MCF2L2: variants seen among roughly 807,000 people sequenced by gnomAD.
MCF2L2 encodes probable guanine nucleotide exchange factor MCF2L2.
Under a neutral mutation model 150.2 loss-of-function variants are expected in MCF2L2, and 102 were observed. That is an observed-to-expected ratio of 0.68 (90% CI 0.58 to 0.80). The LOEUF (loss-of-function observed/expected upper bound fraction) is 0.80, where lower values mean the gene tolerates loss of function less well. Among genes scored for constraint, MCF2L2 ranks in the 30% least tolerant of loss-of-function variants. The probability of loss-of-function intolerance (pLI) is 0.00; values close to 1 mark genes in which losing one functional copy is unlikely to be tolerated. For missense variants in MCF2L2, 1,256 were observed against 1,372.8 expected, an observed-to-expected ratio of 0.91 and a Z score of 1.34; for synonymous variants, 465 against 491.3, an observed-to-expected ratio of 0.95 and a Z score of 0.71.
At chr3:183,332,381 GC>G (rs62738660) in intron 5 of MCF2L2, among the ~76,000 whole-genome samples, 7,193 of 152,198 alleles carry the variant, frequency 0.047, 224 homozygotes, top group Non-Finnish European at 0.071. Flanking sequence ...AAAATTAAAA[GC>G]AGGTCAGGCA....
At chr3:183,332,597 G>C (rs754379498) in intron 5 of MCF2L2, among the ~76,000 whole-genome samples, 4 of 152,110 alleles carry the variant, frequency 2.6e-5, no homozygotes, top group Non-Finnish European at 5.9e-5. Flanking sequence ...AGGGAAATAC[G>C]CGTGACATTT....
rs200353022 is a variant in MCF2L2 at position 183,379,378 on chromosome 3, G to T, written c.194C>A (p.Thr65Lys). The T allele has an allele frequency of 1.9e-6, 3 of 1,610,606 alleles. No homozygotes were observed. Among genetic ancestry groups the T allele is most frequent in the South Asian group, 1.1e-5 (1 of 90,282 alleles). The change falls in exon 3 of 30, where the codon ACG (threonine) becomes AAG (lysine). Residue 65 changes from threonine to lysine, a missense_variant. Coordinates refer to ENST00000328913, the MANE Select transcript of MCF2L2 (RefSeq NM_015078.4). ...TTTGAACCCCGAAAACTCTGGGAAC[G>T]TGATGATGGGGGCGCCATCCTCCCC... ...GRGEDGAPII[T>K]FPEFSGFKHI...
intron 1 of MCF2L2, among the ~76,000 whole-genome samples, chr3:183,406,910 G>C (rs1300309373): frequency 6.6e-6 from 1 of 152,070 alleles, no homozygotes; most frequent in African/African-American, 2.4e-5. Context: ...TTTCTCTTAT[G>C]AACCAGACTT....
intron 22 of MCF2L2, among the ~76,000 whole-genome samples, chr3:183,211,145 G>A (rs1722704864): frequency 6.6e-6 from 1 of 152,196 alleles, no homozygotes. Context: ...TAGGTGGTAA[G>A]AGGGGGGGCG....
chr3:183,210,750 C>A (rs1161499405), intron 22 of MCF2L2, among the ~76,000 whole-genome samples: 1 of 152,166 alleles, frequency 6.6e-6, no homozygotes, highest in African/African-American at 2.4e-5. Context: ...ACAGCCCCAA[C>A]CAGAAATGCT....
chr3:183,272,371 G>A, intron 15 of MCF2L2: 2 of 1,000,236 alleles, frequency 2.0e-6, no homozygotes, highest in East Asian at 1.1e-4. Context: ...GACTGCAGAG[G>A]CACCTGTTAG....
intron 27 of MCF2L2, among the ~76,000 whole-genome samples, chr3:183,187,991 T>C (rs1006796580): frequency 6.6e-6 from 1 of 152,046 alleles, no homozygotes; most frequent in Non-Finnish European, 1.5e-5. Flanking sequence ...GTCCTAGTCG[T>C]GGTGAGGAGG....
intron 18 of MCF2L2, 53 bp from the exon 19 acceptor site, chr3:183,224,243 G>A (rs1723263910): frequency 1.7e-6 from 2 of 1,146,526 alleles, no homozygotes; most frequent in East Asian, 2.3e-5. Context: ...TTCAGTAAGT[G>A]GACAGGATGA....
chr3:183,276,919 G>T lies in MCF2L2; in HGVS notation c.1815C>A (p.Asn605Lys), dbSNP rs1221479309. The change falls in exon 15 of 30, where the codon AAC becomes AAA. Residue 605 changes from asparagine to lysine, a missense_variant. By Grantham distance (94) the Asn-to-Lys change is moderately conservative. Coordinates refer to ENST00000328913, the MANE Select transcript of MCF2L2 (RefSeq NM_015078.4). Reference sequence around the variant, plus strand: ...GCCTGGCCTGCTGCTCCAGCTCAGGGTTCCCCCTTTCATGATGGCTTTCAA... The same window carrying T: ...GCCTGGCCTGCTGCTCCAGCTCAGGTTTCCCCCTTTCATGATGGCTTTCAA... ...EIFESHHERG[N>K]PELEQQARLG... The T allele has an allele frequency of 1.6e-5, 25 of 1,610,820 alleles. No homozygotes were observed. The highest frequency in any genetic ancestry group is 2.0e-5 in the Non-Finnish European group (24 of 1,178,484).
intron 5 of MCF2L2, among the ~76,000 whole-genome samples, chr3:183,337,214 A>G (rs1730518316): frequency 6.6e-6 from 1 of 152,060 alleles, no homozygotes; most frequent in Non-Finnish European, 1.5e-5. Flanking sequence ...CTTTTTGTGA[A>G]TTTGTGTTTT....
chr3:183,398,719 GTTGC>G (rs1430825927), intron 1 of MCF2L2, among the ~76,000 whole-genome samples: 1 of 152,014 alleles, frequency 6.6e-6, no homozygotes, highest in East Asian at 1.9e-4. Flanking sequence ...CCTAATCAGT[GTTGC>G]TTTAGTCCGA....
intron 27 of MCF2L2, chr3:183,182,501 T>G (rs1457626847): frequency 2.0e-5 from 3 of 152,262 alleles, no homozygotes; most frequent in African/African-American, 7.2e-5. Context: ...ATATTTACCC[T>G]TAGAGTGTGT....
At chr3:183,319,443 C>T (rs1453750467) in intron 6 of MCF2L2, among the ~76,000 whole-genome samples, 3 of 152,216 alleles carry the variant, frequency 2.0e-5, no homozygotes, top group Non-Finnish European at 4.4e-5. Context: ...ATTTTGACTT[C>T]CTCCCATGAA....
rs565055380 is a variant in MCF2L2 at position 183,364,281 on chromosome 3, G to C, written c.275+15016C>G. Among the ~76,000 whole-genome samples, 211 of 152,054 alleles carry C rather than the reference G, an allele frequency of 1.4e-3. 1 individual carries two copies. Among genetic ancestry groups the C allele is most frequent in the African/African-American group, 4.3e-3 (179 of 41,496 alleles). ...TCTGTAATCCCAGCACTTTGGGAGG[G>C]CGAGGCGGGCGGATCACAAGGTCAG... is the stretch of plus-strand genomic sequence containing the variant. On this transcript the variant is annotated intron_variant, in intron 3 of 29. Coordinates refer to ENST00000328913, the MANE Select transcript of MCF2L2 (RefSeq NM_015078.4).
intron 11 of MCF2L2, chr3:183,297,569 C>T (rs1189566625): frequency 6.2e-6 from 1 of 162,038 alleles, no homozygotes; most frequent in Non-Finnish European, 1.4e-5. Context: ...GGTGATTCTT[C>T]CACCTTAGCC....
chr3:183,192,136 T>TTTCA (rs1553880193), intron 27 of MCF2L2, among the ~76,000 whole-genome samples: 2 of 146,898 alleles, frequency 1.4e-5, no homozygotes, highest in Non-Finnish European at 1.5e-5. Context: ...GGCATGAGTA[T>TTTCA]TTTATTTATT....
Position 183,311,720 on chromosome 3 carries a change from T to G in MCF2L2, c.806A>C (p.Gln269Pro). 1 of 1,614,130 alleles carries G rather than the reference T, an allele frequency of 6.2e-7. No homozygotes were observed. The highest frequency in any genetic ancestry group is 8.5e-7 in the Non-Finnish European group (1 of 1,179,956). ...GTTGGGACATTTGGTTGCTGGTTCT[T>G]GGATGCATGACAGCAATGTGGTCCC... ...KQGTTLLSCI[Q>P]EPATKCPNSK... is the part of the protein sequence containing the mutation. Residue 269 changes from glutamine (Q) to proline (P), a missense_variant, in exon 8 of 30, where the codon CAA becomes CCA. Gln to Pro is a moderately conservative substitution (Grantham distance 76). Transcript: ENST00000328913.
intron 1 of MCF2L2, among the ~76,000 whole-genome samples, chr3:183,401,047 G>A (rs1006638786): frequency 6.6e-6 from 1 of 152,074 alleles, no homozygotes; most frequent in Non-Finnish European, 1.5e-5. Context: ...AGCGCCTCCT[G>A]AACGACTCCT....
At chr3:183,426,602 GCT>G (rs1434857400) in intron 1 of MCF2L2, among the ~76,000 whole-genome samples, 1 of 152,212 alleles carries the variant, frequency 6.6e-6, no homozygotes. Flanking sequence ...CGAGTCCACT[GCT>G]CTTTCTCTAT....
Sources: gnomAD v4.1 joint callset for allele counts (sites outside exome capture counted in the v4.1 genomes callset) on GRCh38, gnomAD v4.1.1 for gene constraint, MANE v1.5 for transcripts, NCBI Gene and HGNC (gene_info 2026-07-23, HGNC 2026-07-21) for gene names.